KCND2: variants seen among roughly 807,000 people sequenced by gnomAD.
The protein encoded by KCND2 is potassium voltage-gated channel subfamily D member 2, also known as A-type voltage-gated potassium channel KCND2.
KCND2 carries 16 observed loss-of-function variants against 54.4 expected under a neutral mutation model. The observed-to-expected ratio is 0.29, with a 90% CI of 0.20 to 0.45. KCND2 has a LOEUF of 0.45. Among genes scored for constraint, KCND2 ranks in the 20% least tolerant of loss-of-function variants. The probability of loss-of-function intolerance (pLI) is 1.00; values close to 1 mark genes in which losing one functional copy is unlikely to be tolerated. For synonymous variants in KCND2, 317 were observed against 310.7 expected (o/e 1.02, Z -0.21); for missense variants, 486 against 824.2 (o/e 0.59, Z 5.02).
At chr7:120,341,639 T>C (rs540808003) in intron 1 of KCND2, among the ~76,000 whole-genome samples, 3 of 152,268 alleles carry the variant, frequency 2.0e-5, no homozygotes, top group Non-Finnish European at 2.9e-5. Context: ...TGTCTATAAA[T>C]GACCTGGACT....
At chr7:120,451,291 G>A (rs1356006776) in intron 1 of KCND2, among the ~76,000 whole-genome samples, 1 of 152,060 alleles carries the variant, frequency 6.6e-6, no homozygotes, top group Non-Finnish European at 1.5e-5. Flanking sequence ...CCAAATGCTA[G>A]GAAGCACGAG....
intron 1 of KCND2, among the ~76,000 whole-genome samples, chr7:120,403,817 G>C (rs1378914867): frequency 1.3e-5 from 2 of 151,822 alleles, no homozygotes. Context: ...TATAAACAAT[G>C]ACTGTTTTTT....
chr7:120,322,481 T>C (rs953324440), intron 1 of KCND2, among the ~76,000 whole-genome samples: 4 of 152,136 alleles, frequency 2.6e-5, no homozygotes, highest in African/African-American at 9.7e-5. Flanking sequence ...TTAAAGTTTA[T>C]GGTGTTTTAA....
intron 1 of KCND2, among the ~76,000 whole-genome samples, chr7:120,400,016 G>A (rs569877969): frequency 2.6e-5 from 4 of 152,090 alleles, no homozygotes; most frequent in East Asian, 1.9e-4. Flanking sequence ...ATGAGCCACC[G>A]CACCCGGCCT....
chr7:120,521,315 TA>T (rs1025196419), intron 1 of KCND2, among the ~76,000 whole-genome samples: 12 of 151,144 alleles, frequency 7.9e-5, no homozygotes, highest in South Asian at 2.1e-4. Context: ...GTCCAATTTT[TA>T]AAAAAAAAAT....
chr7:120,410,778 T>C (rs758051362), intron 1 of KCND2, among the ~76,000 whole-genome samples: 3 of 146,402 alleles, frequency 2.0e-5, no homozygotes, highest in Admixed American at 7.1e-5. Flanking sequence ...TTCCCACCTA[T>C]GAGTAATAAC....
At chr7:120,438,775 G>A (rs543002107) in intron 1 of KCND2, among the ~76,000 whole-genome samples, 1 of 152,158 alleles carries the variant, frequency 6.6e-6, no homozygotes, top group Non-Finnish European at 1.5e-5. Flanking sequence ...GATTCCTGTG[G>A]CATTAATAAT....
chr7:120,362,293 G>C (rs1222190864), intron 1 of KCND2, among the ~76,000 whole-genome samples: 1 of 152,052 alleles, frequency 6.6e-6, no homozygotes, highest in Non-Finnish European at 1.5e-5. Context: ...GGCTTTTGAA[G>C]TAAAAAGTTT....
At chr7:120,344,334 T>C (rs746999363) in intron 1 of KCND2, among the ~76,000 whole-genome samples, 12 of 152,178 alleles carry the variant, frequency 7.9e-5, no homozygotes, top group Non-Finnish European at 1.2e-4. Flanking sequence ...ATTGTAGTAA[T>C]GAGAGCACAG....
At position 120,356,430 on chromosome 7, in the gene KCND2, G is replaced by A. The variant is rs576822905; in HGVS notation, c.1115+80683G>A. On this transcript the variant is annotated intron_variant, in intron 1 of 5. Transcript: ENST00000331113. ...ATAAAATCTGGAGACATTGTAACAG[G>A]AATGCTAAATCATAAATAAATACTT... Among the ~76,000 whole-genome samples the A allele has an allele frequency of 1.4e-4, 21 of 152,180 alleles. No individual in the cohort carries two copies. The South Asian group carries it at 4.4e-3, about 32-fold the overall frequency.
intron 1 of KCND2, among the ~76,000 whole-genome samples, chr7:120,677,994 C>T (rs1272574031): frequency 6.6e-6 from 1 of 151,876 alleles, no homozygotes. Flanking sequence ...TTATTGAGAA[C>T]ATAATCATTA....
intron 1 of KCND2, among the ~76,000 whole-genome samples, chr7:120,331,649 G>A (rs562194727): frequency 7.2e-5 from 11 of 152,046 alleles, no homozygotes; most frequent in Non-Finnish European, 1.3e-4. Context: ...AACCCCACAA[G>A]TAAGTGAAGA....
chr7:120,695,601 A>G (rs1302052191), intron 1 of KCND2, among the ~76,000 whole-genome samples: 3 of 152,188 alleles, frequency 2.0e-5, no homozygotes, highest in Admixed American at 2.0e-4. Flanking sequence ...GTGAAACTAT[A>G]ATGAAGAAAA....
intron 1 of KCND2, among the ~76,000 whole-genome samples, chr7:120,725,506 G>A (rs180828299): frequency 6.8e-4 from 103 of 152,268 alleles, no homozygotes; most frequent in African/African-American, 2.3e-3. Context: ...AATATTACAT[G>A]TGTGCAGGCA....
At chr7:120,521,754 T>C (rs1450761720) in intron 1 of KCND2, among the ~76,000 whole-genome samples, 1 of 152,200 alleles carries the variant, frequency 6.6e-6, no homozygotes, top group Admixed American at 6.6e-5. Context: ...ATAATATATA[T>C]GTGAGTGTGT....
At chr7:120,595,848 A>C (rs905360314) in intron 1 of KCND2, among the ~76,000 whole-genome samples, 2 of 151,782 alleles carry the variant, frequency 1.3e-5, no homozygotes, top group Admixed American at 6.6e-5. Context: ...CATAAAAGAC[A>C]CTCAAATAAT....
At chr7:120,541,169 G>A (rs1444283995) in intron 1 of KCND2, among the ~76,000 whole-genome samples, 2 of 152,058 alleles carry the variant, frequency 1.3e-5, no homozygotes, top group Non-Finnish European at 1.5e-5. Context: ...TCATGAAAGT[G>A]CCCATTGGGT....
At chr7:120,406,454 C>G (rs1349514586) in intron 1 of KCND2, among the ~76,000 whole-genome samples, 1 of 152,008 alleles carries the variant, frequency 6.6e-6, no homozygotes, top group African/African-American at 2.4e-5. Flanking sequence ...GCTTCCAATA[C>G]TGCCCTGGGT....
At chr7:120,390,998 C>T (rs2116051742) in intron 1 of KCND2, among the ~76,000 whole-genome samples, 1 of 151,974 alleles carries the variant, frequency 6.6e-6, no homozygotes, top group South Asian at 2.1e-4. Context: ...TTTGCTGCAC[C>T]TATCTACACA....
Sources: allele counts gnomAD v4.1 joint callset (sites outside exome capture counted in the v4.1 genomes callset), GRCh38; gene constraint gnomAD v4.1.1; transcripts MANE v1.5; gene names NCBI Gene and HGNC (gene_info 2026-07-23, HGNC 2026-07-21).